The following P4HA1 variants were observed in gnomAD, a reference collection of about 807,000 sequenced individuals.
P4HA1 encodes the protein prolyl 4-hydroxylase subunit alpha 1.
A neutral mutation model predicts 72.8 loss-of-function variants in P4HA1; 24 were observed. The ratio of observed to expected loss-of-function variants is 0.33; its 90% CI spans 0.24 to 0.46. The LOEUF is 0.46. P4HA1 is among the 20% of genes least tolerant of loss of function. The pLI, the probability that P4HA1 is intolerant of heterozygous loss-of-function variation, is 1.00. For synonymous variants in P4HA1, 201 were observed against 218.8 expected (o/e 0.92, Z 0.72); for missense variants, 446 against 640.6 (o/e 0.70, Z 3.28).
intron 4 of P4HA1, among the ~76,000 whole-genome samples, chr10:73,069,884 T>C (rs9663510): frequency 0.16 from 23,902 of 151,234 alleles, 3,144 homozygotes; most frequent in African/African-American, 0.34. Flanking sequence ...GATCTCAGCT[T>C]ACTGCAACCT....
At chr10:73,048,953 T>C (rs1279270463) in intron 7 of P4HA1, among the ~76,000 whole-genome samples, 1 of 151,798 alleles carries the variant, frequency 6.6e-6, no homozygotes, top group Admixed American at 6.6e-5. Context: ...GCTAACAAGG[T>C]GAAACCCCAT....
Position 73,009,969 on chromosome 10 carries a change from T to TA in P4HA1, c.1438-67dup, listed in dbSNP as rs373509793. The TA allele has an allele frequency of 5.4e-4, 467 of 864,258 alleles. 9 individuals carry two copies. The African/African-American group carries it at 6.7e-3, about 12-fold the overall frequency. 53.5% of individuals were successfully genotyped at this position (864,258 alleles called of 1,614,324 possible). A position where few individuals can be genotyped will look rare whatever the true frequency, so the allele number is the denominator to read the frequency against. ...CCAGGTAATTGCTTTCGGTAGTTAT[T>TA]ACTTTTTTTTTTTTTTTGAGACAGA... On this transcript the variant is annotated intron_variant, in intron 13 of 14. Coordinates refer to ENST00000394890, the MANE Select transcript of P4HA1 (RefSeq NM_001017962.3).
chr10:73,058,391 C>T (rs1480913005), intron 5 of P4HA1, among the ~76,000 whole-genome samples: 1 of 152,162 alleles, frequency 6.6e-6, no homozygotes, highest in Non-Finnish European at 1.5e-5. Context: ...CACTATAAAT[C>T]CTGCCTTTAG....
chr10:73,066,790 T>TAA (rs925339447), intron 5 of P4HA1, among the ~76,000 whole-genome samples: 6 of 152,194 alleles, frequency 3.9e-5, no homozygotes, highest in African/African-American at 1.4e-4. Context: ...GATGGTTTTA[T>TAA]AAGCACCTGG....
chr10:73,047,549 CA>C (rs1167975608), intron 7 of P4HA1, among the ~76,000 whole-genome samples: 2,884 of 58,874 alleles, frequency 0.049, 19 homozygotes, highest in African/African-American at 0.068. Context: ...ATGCTTGTGG[CA>C]AAAAAAAAAA....
chr10:73,045,426 C>A (rs1275832505), intron 8 of P4HA1, among the ~76,000 whole-genome samples: 3 of 151,950 alleles, frequency 2.0e-5, no homozygotes. Flanking sequence ...AGAAGAATGC[C>A]TATTTGCAAT....
In P4HA1 at chr10:73,096,036, G is replaced by T. The variant is rs759350571; in HGVS notation, c.-33+730C>A. 6.7e-4 allele frequency among the ~76,000 whole-genome samples: 102 copies of T among 152,326 alleles called. 3 individuals are homozygous for T. Among genetic ancestry groups the T allele is most frequent in the South Asian group, 1.0e-3 (5 of 4,830 alleles). On this transcript the variant is annotated intron_variant, in intron 1 of 14. Coordinates refer to ENST00000394890, the MANE Select transcript of P4HA1 (RefSeq NM_001017962.3). ...AGAGAGACAGAGAGACAGAGATTGA[G>T]AGAAGAGCTCTTGTCTCTTTTTAAA...
At chr10:73,019,405 T>C (rs1302714107) in intron 10 of P4HA1, among the ~76,000 whole-genome samples, 1 of 151,986 alleles carries the variant, frequency 6.6e-6, no homozygotes, top group Non-Finnish European at 1.5e-5. Flanking sequence ...AATGTAACTC[T>C]CTAGTTACAG....
At chr10:73,045,184 C>A in intron 8 of P4HA1, 133 bp from the exon 9 acceptor site, 1 of 635,764 alleles carries the variant, frequency 1.6e-6, no homozygotes, top group Admixed American at 3.2e-5. Flanking sequence ...CTTCCAGTCA[C>A]CTTGTGCTGA....
rs373729919 is a variant in P4HA1 at position 73,072,640 on chromosome 10, C to T, written c.174-460G>A. On this transcript the variant is annotated intron_variant, in intron 3 of 14. Coordinates refer to ENST00000394890, the MANE Select transcript of P4HA1 (RefSeq NM_001017962.3). ...ATGAAAAACTGAACACTTAGCTACT[C>T]ATTAAATAAAAGACAGGAATTCTCA... 3.5e-4 allele frequency among the ~76,000 whole-genome samples: 53 copies of T among 152,246 alleles called. 1 individual carries two copies. Among genetic ancestry groups the T allele is most frequent in the African/African-American group, 1.2e-3 (49 of 41,552 alleles).
At chr10:73,078,951 T>C (rs374323914) in intron 1 of P4HA1, among the ~76,000 whole-genome samples, 2 of 151,398 alleles carry the variant, frequency 1.3e-5, no homozygotes, top group Non-Finnish European at 2.9e-5. Flanking sequence ...CCAGACCTCC[T>C]ATAATATATT....
At chr10:73,038,506 G>C (rs1046755158) in intron 9 of P4HA1, among the ~76,000 whole-genome samples, 1 of 151,652 alleles carries the variant, frequency 6.6e-6, no homozygotes, top group Non-Finnish European at 1.5e-5. Flanking sequence ...TATCTTTTCA[G>C]AGCACAAAAC....
At position 73,008,750 on chromosome 10, in the gene P4HA1, TG is replaced by T. The variant is rs1839846991; in HGVS notation, c.1535-459del. Reference sequence around the variant, plus strand: ...TCTCTTATCAACCATTGCTATTGTATGCTCATCAAGTTTCCAAAATACCTTT... The same window carrying T: ...TCTCTTATCAACCATTGCTATTGTATCTCATCAAGTTTCCAAAATACCTTT... On this transcript the variant is annotated intron_variant, in intron 14 of 14. Coordinates refer to ENST00000394890, the MANE Select transcript of P4HA1 (RefSeq NM_001017962.3). 6.6e-5 allele frequency among the ~76,000 whole-genome samples: 10 copies of T among 152,160 alleles called. No individual in the cohort carries two copies. The South Asian group carries it at 1.9e-3, about 28-fold the overall frequency.
At position 73,037,552 on chromosome 10, in the gene P4HA1, TATATATATATA is replaced by T. The variant is rs1383752577; in HGVS notation, c.1149-7193_1149-7183del. ...ATATATATATATATATATATATATA[TATATATATATA>T]TATATATATTTTTTTTTTTTTTTTT... On this transcript the variant is annotated intron_variant, in intron 9 of 14. Coordinates refer to ENST00000394890, the MANE Select transcript of P4HA1 (RefSeq NM_001017962.3). Among the ~76,000 whole-genome samples the T allele has an allele frequency of 2.2e-3, 70 of 32,368 alleles. 2 individuals are homozygous for T. The highest frequency in any genetic ancestry group is 7.8e-3 in the African/African-American group (68 of 8,702). 21.2% of individuals were successfully genotyped at this position (32,368 alleles called of 152,430 possible). A position where few individuals can be genotyped will look rare whatever the true frequency, so the allele number is the denominator to read the frequency against.
At chr10:73,090,938 T>C (rs547073996) in intron 1 of P4HA1, among the ~76,000 whole-genome samples, 15 of 151,410 alleles carry the variant, frequency 9.9e-5, no homozygotes, top group African/African-American at 3.6e-4. Flanking sequence ...GGCGGGTGCC[T>C]GTAATCCCAG....
At chr10:73,027,096 G>A (rs1840291761) in intron 10 of P4HA1, among the ~76,000 whole-genome samples, 1 of 152,106 alleles carries the variant, frequency 6.6e-6, no homozygotes, top group Admixed American at 6.6e-5. Flanking sequence ...TCCCATTACT[G>A]GGTAAATACC....
Position 73,007,433 on chromosome 10 carries a change from A to C in P4HA1, c.*789T>G, listed in dbSNP as rs1839817294. 1 of 152,620 alleles carries C rather than the reference A, an allele frequency of 6.6e-6. No homozygotes were observed. The highest frequency in any genetic ancestry group is 2.4e-5 in the African/African-American group (1 of 41,450). The allele number at this position is 152,620 out of a possible 1,614,324, so 9.5% of individuals were successfully genotyped here. ...AATATTACCACCCTGCTGTAGCAGG[A>C]ATAAGAGGCAAGGTATTAGCACTAA... On this transcript the variant is annotated 3_prime_UTR_variant, in exon 15 of 15. Transcript: ENST00000394890.
chr10:73,045,041 G>A lies in P4HA1; in HGVS notation c.1088C>T (p.Ala363Val). The A allele has an allele frequency of 6.2e-7, 1 of 1,613,338 alleles. No homozygotes were observed. The highest frequency in any genetic ancestry group is 2.2e-5 in the East Asian group (1 of 44,850). Residue 363 changes from alanine (A) to valine (V), a missense_variant, in exon 9 of 15, where the codon GCC (alanine) becomes GTC (valine). Physicochemically the swap from Ala to Val is moderately conservative, Grantham distance 64 (BLOSUM62 0). Transcript: ENST00000394890. ...TCCTGTTATTGGGTTTGAAATGGTGGCTCGCCTCAGCTGTGAAGCCAACCA... is the reference window on the plus strand; with the variant it reads ...TCCTGTTATTGGGTTTGAAATGGTGACTCGCCTCAGCTGTGAAGCCAACCA... ...KDLAKPRLRR[A>V]TISNPITGDL...
intron 1 of P4HA1, among the ~76,000 whole-genome samples, chr10:73,082,042 C>G (rs943092781): frequency 6.6e-6 from 1 of 152,164 alleles, no homozygotes; most frequent in African/African-American, 2.4e-5. Context: ...ATACTTTGAC[C>G]CCACAACCAT....
Sources: allele counts gnomAD v4.1 joint callset (sites outside exome capture counted in the v4.1 genomes callset), GRCh38; gene constraint gnomAD v4.1.1; transcripts MANE v1.5; gene names NCBI Gene and HGNC (gene_info 2026-07-23, HGNC 2026-07-21).